The following TRAPPC9 variants were observed in gnomAD, a reference collection of about 807,000 sequenced individuals.
TRAPPC9 encodes IKK2 binding protein.
In TRAPPC9, 83 loss-of-function variants were observed where a neutral mutation model predicts 124.0. The observed-to-expected ratio is 0.67, with a 90% CI of 0.56 to 0.80. The LOEUF (loss-of-function observed/expected upper bound fraction) is 0.80, where lower values mean the gene tolerates loss of function less well. Ranked by LOEUF, TRAPPC9 falls within the 30% of genes least tolerant of loss-of-function variation. The pLI is 0.00. For synonymous variants in TRAPPC9, 638 were observed against 617.5 expected (o/e 1.03, Z -0.49); for missense variants, 1,302 against 1,508.3 (o/e 0.86, Z 2.27).
chr8:140,017,107 C>T (rs982094097), intron 18 of TRAPPC9, among the ~76,000 whole-genome samples: 2 of 152,176 alleles, frequency 1.3e-5, no homozygotes, highest in East Asian at 3.8e-4. Context: ...TTCTATTTAT[C>T]ACCTTTTTAG....
chr8:139,947,894 G>GTGTGTATATATATATATATATATATATA (rs1554678277), intron 19 of TRAPPC9, among the ~76,000 whole-genome samples: 11 of 65,816 alleles, frequency 1.7e-4, no homozygotes, highest in Non-Finnish European at 2.1e-4. Flanking sequence ...AAATATGTGT[G>GTGTGTATATATATATATATATATATATA]TATATATATA....
At chr8:139,859,855 C>T (rs879342079) in intron 21 of TRAPPC9, among the ~76,000 whole-genome samples, 2 of 152,366 alleles carry the variant, frequency 1.3e-5, no homozygotes, top group South Asian at 4.1e-4. Context: ...GGGAAGGGAC[C>T]TGCTCTGCTA....
chr8:140,201,331 T>G (rs1044622869), intron 17 of TRAPPC9, among the ~76,000 whole-genome samples: 3 of 152,242 alleles, frequency 2.0e-5, no homozygotes, highest in Admixed American at 1.3e-4. Context: ...TTATGTAGTT[T>G]CTTGAGAGAA....
intron 19 of TRAPPC9, among the ~76,000 whole-genome samples, chr8:139,973,122 C>G (rs931220230): frequency 6.6e-6 from 1 of 152,222 alleles, no homozygotes; most frequent in African/African-American, 2.4e-5. Flanking sequence ...AGAAAAAGTA[C>G]GTCCCAGTTA....
chr8:140,010,954 G>A (rs1839076933), intron 18 of TRAPPC9, among the ~76,000 whole-genome samples: 1 of 151,224 alleles, frequency 6.6e-6, no homozygotes, highest in African/African-American at 2.5e-5. Context: ...AAACAAATGA[G>A]GAGACCTAGA....
intron 7 of TRAPPC9, among the ~76,000 whole-genome samples, chr8:140,392,293 G>A (rs920922749): frequency 6.6e-6 from 1 of 152,196 alleles, no homozygotes; most frequent in South Asian, 2.1e-4. Context: ...CATGCAACAA[G>A]CTGGCTGCTT....
At chr8:140,111,538 A>G (rs2060775761) in intron 17 of TRAPPC9, among the ~76,000 whole-genome samples, 1 of 152,208 alleles carries the variant, frequency 6.6e-6, no homozygotes, top group Non-Finnish European at 1.5e-5. Context: ...GTGGGCACTC[A>G]GCGACAGCTG....
At chr8:140,036,067 G>A (rs931799455) in intron 17 of TRAPPC9, among the ~76,000 whole-genome samples, 20 of 152,210 alleles carry the variant, frequency 1.3e-4, no homozygotes, top group African/African-American at 4.3e-4. Context: ...CACTGGCTAC[G>A]AGGGTCCATG....
intron 19 of TRAPPC9, among the ~76,000 whole-genome samples, chr8:139,923,961 C>G (rs1300635423): frequency 6.6e-6 from 1 of 152,074 alleles, no homozygotes; most frequent in Non-Finnish European, 1.5e-5. Context: ...GGGGGGAAAA[C>G]AAACAGGAAA....
intron 15 of TRAPPC9, among the ~76,000 whole-genome samples, chr8:140,267,897 G>A (rs376617189): frequency 1.3e-3 from 205 of 152,148 alleles, no homozygotes; most frequent in African/African-American, 4.7e-3. Flanking sequence ...TGAACTCCTG[G>A]CCTTGTGATC....
Position 140,275,737 on chromosome 8 carries a change from T to G in TRAPPC9, c.2199A>C (p.Gln733His), listed in dbSNP as rs1289836035. 1.2e-6 allele frequency: 2 copies of G among 1,613,982 alleles called. No individual in the cohort carries two copies. The change falls in exon 15 of 23, where the codon CAA becomes CAC. Residue 733 changes from glutamine to histidine, a missense_variant. This residue lies in a region of TRAPPC9 where 640 missense variants were observed against 679.3 expected (regional missense o/e 0.94). Coordinates refer to ENST00000438773, the MANE Select transcript of TRAPPC9 (RefSeq NM_001160372.4). The part of the protein sequence containing the change: ...SVQLYNGESQ[Q>H]LIIKLENIGM... ...CAATATTTTCCAATTTAATGATTAG[T>G]TGCTGACTTTCTCCATTGTAAAGCT...
Position 140,058,477 on chromosome 8 carries a change from T to G in TRAPPC9, c.2557-34398A>C, listed in dbSNP as rs555884356. ...CACTATTCATCCCTTCAGCCTCTTTTGCTCGCTAGAGACCTCTGGGCCTGG... is the reference window on the plus strand; with the variant it reads ...CACTATTCATCCCTTCAGCCTCTTTGGCTCGCTAGAGACCTCTGGGCCTGG... On this transcript the variant is annotated intron_variant, in intron 17 of 22. Coordinates refer to ENST00000438773, the MANE Select transcript of TRAPPC9 (RefSeq NM_001160372.4). Among the ~76,000 whole-genome samples, 24 of 152,318 alleles carry G rather than the reference T, an allele frequency of 1.6e-4. 1 individual carries two copies. The highest frequency in any genetic ancestry group is 1.1e-3 in the Admixed American group (17 of 15,298).
rs1835365993 is a variant in TRAPPC9, at chr8:139,961,409, C to T, written c.2810+27317G>A. ...GAGCACCTGGGGTGCCACAGCTGCC[C>T]AAACCACCACCCAAACCATAGCTGC... is the stretch of plus-strand genomic sequence containing the variant. On this transcript the variant is annotated intron_variant, in intron 19 of 22. Transcript: ENST00000438773. 2.4e-5 allele frequency among the ~76,000 whole-genome samples: 3 copies of T among 123,876 alleles called. 1 individual carries two copies. Among genetic ancestry groups the T allele is most frequent in the African/African-American group, 7.7e-5 (3 of 39,160 alleles). 81.3% of individuals were successfully genotyped at this position (123,876 alleles called of 152,430 possible).
intron 17 of TRAPPC9, among the ~76,000 whole-genome samples, chr8:140,041,983 C>A (rs1841303761): frequency 6.6e-6 from 1 of 151,664 alleles, no homozygotes. Context: ...AAAAAAAAAT[C>A]TATTATAGCT....
intron 17 of TRAPPC9, among the ~76,000 whole-genome samples, chr8:140,113,927 C>T (rs1295655868): frequency 2.6e-5 from 4 of 152,218 alleles, no homozygotes; most frequent in East Asian, 1.9e-4. Context: ...GCTTCCCACT[C>T]GATCGGAAAG....
chr8:140,208,706 G>A (rs1487441865), intron 17 of TRAPPC9, among the ~76,000 whole-genome samples: 2 of 152,244 alleles, frequency 1.3e-5, no homozygotes, highest in Non-Finnish European at 2.9e-5. Flanking sequence ...CACTGGAAGT[G>A]CAGAGGTTCC....
At chr8:139,823,828 G>A (rs76128545) in intron 21 of TRAPPC9, among the ~76,000 whole-genome samples, 2 of 152,170 alleles carry the variant, frequency 1.3e-5, no homozygotes, top group East Asian at 1.9e-4. Flanking sequence ...ATAATAAAAC[G>A]TGAACAGCTG....
chr8:140,437,247 T>C (rs1378848276), intron 3 of TRAPPC9, among the ~76,000 whole-genome samples: 4 of 152,048 alleles, frequency 2.6e-5, no homozygotes, highest in Non-Finnish European at 5.9e-5. Flanking sequence ...AGAAGTGAGG[T>C]GAAGTAAGAT....
chr8:140,395,613 C>G (rs537476202), intron 7 of TRAPPC9, among the ~76,000 whole-genome samples: 1 of 152,236 alleles, frequency 6.6e-6, no homozygotes, highest in South Asian at 2.1e-4. Context: ...TATCTGCTTT[C>G]AATTGAAAAA....
Sources: allele counts gnomAD v4.1 joint callset (sites outside exome capture counted in the v4.1 genomes callset), GRCh38; gene constraint gnomAD v4.1.1; regional missense constraint gnomAD v4.1.1; transcripts MANE v1.5; gene names NCBI Gene and HGNC (gene_info 2026-07-23, HGNC 2026-07-21).